KALRN: variants seen among roughly 807,000 people sequenced by gnomAD.
The protein encoded by KALRN is kalirin.
KALRN carries 70 observed loss-of-function variants against 353.7 expected under a neutral mutation model. The ratio of observed to expected loss-of-function variants is 0.20; its 90% CI spans 0.16 to 0.24. KALRN has a LOEUF of 0.24. Among genes scored for constraint, KALRN ranks in the 10% least tolerant of loss-of-function variants. The pLI, the probability that KALRN is intolerant of heterozygous loss-of-function variation, is 1.00. For synonymous variants in KALRN, 1,391 were observed against 1,434.8 expected (o/e 0.97, Z 0.69); for missense variants, 2,791 against 3,756.7 (o/e 0.74, Z 6.72).
At chr3:124,294,148 A>G (rs1390654534) in intron 5 of KALRN, among the ~76,000 whole-genome samples, 1 of 152,034 alleles carries the variant, frequency 6.6e-6, no homozygotes, top group Non-Finnish European at 1.5e-5. Context: ...CATCTGGGGT[A>G]AGAGATCATT....
At chr3:124,372,615 ATT>A (rs989639424) in intron 10 of KALRN, among the ~76,000 whole-genome samples, 12 of 26,252 alleles carry the variant, frequency 4.6e-4, no homozygotes, top group Non-Finnish European at 7.4e-4. Context: ...TTTATTATTT[ATT>A]TTTTTATTTA....
intron 33 of KALRN, among the ~76,000 whole-genome samples, chr3:124,515,619 A>G (rs147222632): frequency 3.9e-5 from 6 of 152,364 alleles, no homozygotes; most frequent in East Asian, 1.9e-4. Context: ...CTATGGAATC[A>G]GAAAGCCAAA....
At chr3:124,612,328 C>T (rs1446662974) in intron 34 of KALRN, among the ~76,000 whole-genome samples, 2 of 152,228 alleles carry the variant, frequency 1.3e-5, no homozygotes, top group Non-Finnish European at 2.9e-5. Flanking sequence ...CTCAGCCTCC[C>T]AAGTAGCTGG....
chr3:124,144,363 G>C (rs1169320625), intron 1 of KALRN, among the ~76,000 whole-genome samples: 2 of 152,056 alleles, frequency 1.3e-5, no homozygotes, highest in African/African-American at 4.8e-5. Context: ...CTGCTCCTTA[G>C]GAAGGGGTAG....
At chr3:124,036,815 A>G (rs1333517126) in intron 1 of KALRN, among the ~76,000 whole-genome samples, 1 of 152,216 alleles carries the variant, frequency 6.6e-6, no homozygotes, top group Admixed American at 6.5e-5. Context: ...CATGTTTCAA[A>G]TTATTCTGTC....
At chr3:124,166,674 G>A (rs1306068635) in intron 1 of KALRN, among the ~76,000 whole-genome samples, 2 of 152,226 alleles carry the variant, frequency 1.3e-5, no homozygotes, top group East Asian at 3.9e-4. Flanking sequence ...GTTTTGCCTA[G>A]AAGCCCCAAA....
At chr3:124,531,152 A>G (rs745861099) in intron 33 of KALRN, among the ~76,000 whole-genome samples, 5 of 152,164 alleles carry the variant, frequency 3.3e-5, no homozygotes, top group African/African-American at 1.2e-4. Flanking sequence ...AAATGACTCA[A>G]CACCAATGAC....
At chr3:124,481,813 A>T (rs2062014174) in intron 27 of KALRN, among the ~76,000 whole-genome samples, 1 of 152,186 alleles carries the variant, frequency 6.6e-6, no homozygotes, top group African/African-American at 2.4e-5. Flanking sequence ...GGTGAGGTTG[A>T]GGCCTTATCT....
At position 124,153,115 on chromosome 3, in the gene KALRN, T is replaced by A. The variant is rs192391296; in HGVS notation, c.74-74875T>A. The A allele has an allele frequency of 2.8e-3, 433 of 156,852 alleles. 1 individual carries two copies. Among genetic ancestry groups the A allele is most frequent in the South Asian group, 0.012 (60 of 5,214 alleles). The allele number at this position is 156,852 out of a possible 1,614,324, so 9.7% of individuals were successfully genotyped here. A position where few individuals can be genotyped will look rare whatever the true frequency, so the allele number is the denominator to read the frequency against. The stretch of plus-strand genomic sequence containing the variant: ...TTTTAAATTTTTTAATTTTAATTTT[T>A]ATTTTTTTATTATTATTATACTTTA... On this transcript the variant is annotated intron_variant, in intron 1 of 59. Transcript: ENST00000682506.
chr3:124,312,026 T>C (rs1275518002), intron 6 of KALRN, among the ~76,000 whole-genome samples: 1 of 152,238 alleles, frequency 6.6e-6, no homozygotes, highest in Admixed American at 6.5e-5. Context: ...TTATATCTAA[T>C]AGGTACAGAG....
chr3:124,494,677 T>G (rs1297325342), intron 32 of KALRN, among the ~76,000 whole-genome samples: 2 of 152,232 alleles, frequency 1.3e-5, no homozygotes, highest in Non-Finnish European at 2.9e-5. Context: ...AGAAAATACT[T>G]TTTATGATGA....
chr3:124,264,395 G>A lies in KALRN; in HGVS notation c.264-103G>A, dbSNP rs992216732. On this transcript the variant is annotated intron_variant, in intron 3 of 59. Coordinates refer to ENST00000682506, the MANE Select transcript of KALRN (RefSeq NM_001388419.1). ...AGACCTGGCATGAAGTTGAAAGAGT[G>A]ATTCTGGTCAAGGGGAGTGCAGGTT... 1.8e-5 allele frequency: 16 copies of A among 908,802 alleles called. No homozygotes were observed. The South Asian group carries it at 2.8e-4, about 16-fold the overall frequency. The allele number at this position is 908,802 out of a possible 1,614,324, so 56.3% of individuals were successfully genotyped here.
At chr3:124,335,006 G>A (rs1319322077) in intron 9 of KALRN, among the ~76,000 whole-genome samples, 1 of 152,166 alleles carries the variant, frequency 6.6e-6, no homozygotes. Context: ...TGTTGACCAG[G>A]CTGGTCTTGA....
At chr3:124,438,002 T>G (rs1395736792) in intron 17 of KALRN, among the ~76,000 whole-genome samples, 5 of 152,208 alleles carry the variant, frequency 3.3e-5, no homozygotes, top group Non-Finnish European at 7.3e-5. Flanking sequence ...TATTTTTTAT[T>G]GCTATACTTT....
intron 34 of KALRN, among the ~76,000 whole-genome samples, chr3:124,605,818 G>A (rs910552016): frequency 1.8e-4 from 28 of 152,122 alleles, no homozygotes; most frequent in Admixed American, 1.8e-3. Context: ...TTCACCCATG[G>A]CAGTGTGATT....
At chr3:124,180,537 C>A (rs1265563970) in intron 1 of KALRN, among the ~76,000 whole-genome samples, 1 of 152,194 alleles carries the variant, frequency 6.6e-6, no homozygotes. Flanking sequence ...AAGTTGGAAT[C>A]TTGGCCCACC....
chr3:124,566,137 C>A (rs1313118916), intron 34 of KALRN, among the ~76,000 whole-genome samples: 1 of 152,180 alleles, frequency 6.6e-6, no homozygotes, highest in Non-Finnish European at 1.5e-5. Context: ...CAAATGGCAT[C>A]CTGTGAGGTC....
chr3:124,698,909 G>T (rs976405883), intron 55 of KALRN, among the ~76,000 whole-genome samples: 1 of 152,108 alleles, frequency 6.6e-6, no homozygotes, highest in Non-Finnish European at 1.5e-5. Flanking sequence ...ATAAGAAGCT[G>T]CCAGATAGCT....
intron 34 of KALRN, among the ~76,000 whole-genome samples, chr3:124,577,351 T>G: frequency 6.6e-6 from 1 of 152,272 alleles, no homozygotes; most frequent in Non-Finnish European, 1.5e-5. Context: ...TGAAGACATA[T>G]GGACTGAGCT....
Sources: gnomAD v4.1 joint callset for allele counts (sites outside exome capture counted in the v4.1 genomes callset) on GRCh38, gnomAD v4.1.1 for gene constraint, MANE v1.5 for transcripts, NCBI Gene and HGNC (gene_info 2026-07-23, HGNC 2026-07-21) for gene names.